Variants in GLUD1 observed in about 807,000 individuals in gnomAD.
GLUD1 encodes the protein glutamate dehydrogenase 1, also known as glutamate dehydrogenase 1, mitochondrial.
In GLUD1, 22 loss-of-function variants were observed where a neutral mutation model predicts 56.0. That is an observed-to-expected ratio of 0.39 (90% CI 0.28 to 0.56). The LOEUF (loss-of-function observed/expected upper bound fraction) is 0.56, where lower values mean the gene tolerates loss of function less well. Among genes scored for constraint, GLUD1 ranks in the 20% least tolerant of loss-of-function variants. The pLI, the probability that GLUD1 is intolerant of heterozygous loss-of-function variation, is 0.58. For missense variants in GLUD1, 451 were observed against 732.0 expected, an observed-to-expected ratio of 0.62 and a Z score of 4.43; for synonymous variants, 223 against 269.9, an observed-to-expected ratio of 0.83 and a Z score of 1.70.
At position 87,094,090 on chromosome 10, in the gene GLUD1, A is replaced by C; in HGVS notation, c.445+235T>G. ...CTGCATGCAAGATCAGCATATACAGAGGCCCGGGGTGACGGCGCGGGGGAG... is the reference window on the plus strand; with the variant it reads ...CTGCATGCAAGATCAGCATATACAGCGGCCCGGGGTGACGGCGCGGGGGAG... On this transcript the variant is annotated intron_variant, in intron 1 of 12. Coordinates refer to ENST00000277865, the MANE Select transcript of GLUD1 (RefSeq NM_005271.5). The surrounding 1 kb of genome is among the most constrained non-coding windows in gnomAD (Gnocchi z 6.6). 1 of 1,507,072 alleles carries C rather than the reference A, an allele frequency of 6.6e-7. No individual in the cohort carries two copies. The highest frequency in any genetic ancestry group is 8.8e-7 in the Non-Finnish European group (1 of 1,130,714). 93.4% of individuals were successfully genotyped at this position (1,507,072 alleles called of 1,614,324 possible). A position where few individuals can be genotyped will look rare whatever the true frequency, so the allele number is the denominator to read the frequency against.
chr10:87,080,999 G>T lies in GLUD1; in HGVS notation c.446-4343C>A, dbSNP rs548503408. Among the ~76,000 whole-genome samples the T allele has an allele frequency of 5.5e-3, 740 of 134,574 alleles. 16 individuals are homozygous for T. The highest frequency in any genetic ancestry group is 0.02 in the African/African-American group (704 of 35,968). 88.3% of individuals were successfully genotyped at this position (134,574 alleles called of 152,430 possible). On this transcript the variant is annotated intron_variant, in intron 1 of 12. Transcript: ENST00000277865. ...GGGTCAGCCCCCCGCCCGGCCAGCC[G>T]CCCCGTCCGGGAGGGAGGTGGGGGG...
At chr10:87,066,987 A>G (rs549582152) in intron 5 of GLUD1, among the ~76,000 whole-genome samples, 1 of 151,790 alleles carries the variant, frequency 6.6e-6, no homozygotes, top group South Asian at 2.1e-4. Flanking sequence ...CATATATCCA[A>G]TCCAGTTTTG....
rs368904503 is a variant in GLUD1 at position 87,068,161 on chromosome 10, C to T, written c.647-4G>A. ...GCAGGCACATCAATGCCAGGACCTGCGGGGGCACAGGGAAAGAGGAGTGCA... is the reference window on the plus strand; with the variant it reads ...GCAGGCACATCAATGCCAGGACCTGTGGGGGCACAGGGAAAGAGGAGTGCA... On this transcript the variant is annotated splice_polypyrimidine_tract_variant and splice_region_variant and intron_variant, in intron 4 of 12. Coordinates refer to ENST00000277865, the MANE Select transcript of GLUD1 (RefSeq NM_005271.5). The T allele has an allele frequency of 5.5e-5, 88 of 1,593,744 alleles. No individual in the cohort carries two copies. Among genetic ancestry groups the T allele is most frequent in the Non-Finnish European group, 6.8e-5 (79 of 1,161,588 alleles).
In GLUD1 at chr10:87,074,630, A is replaced by ACAAAAAC. The variant is rs1270268356; in HGVS notation, c.583-23_583-17dup. On this transcript the variant is annotated splice_polypyrimidine_tract_variant and intron_variant, in intron 3 of 12. Transcript: ENST00000277865. ...ATTCATTATCCTGTAAAATAAGAAA[A>ACAAAAAC]CAAAAACAAAAGAAAAAATTGATAT... 2 of 1,447,954 alleles carry ACAAAAAC rather than the reference A, an allele frequency of 1.4e-6. No individual in the cohort carries two copies. Among genetic ancestry groups the ACAAAAAC allele is most frequent in the African/African-American group, 1.4e-5 (1 of 71,736 alleles). The allele number at this position is 1,447,954 out of a possible 1,614,324, so 89.7% of individuals were successfully genotyped here. A position where few individuals can be genotyped will look rare whatever the true frequency, so the allele number is the denominator to read the frequency against.
rs139123008 is a variant in GLUD1, at chr10:87,059,096, C to G, written c.1402+54G>C. 14 of 1,605,812 alleles carry G rather than the reference C, an allele frequency of 8.7e-6. No individual in the cohort carries two copies. The African/African-American group carries it at 1.6e-4, about 18-fold the overall frequency. ...TTCTCTTAAGTGGACCTTTTTACAG[C>G]CTTTCAGCTGGCTCAAAAGATGAGT... On this transcript the variant is annotated intron_variant, in intron 10 of 12. Transcript: ENST00000277865.
intron 4 of GLUD1, among the ~76,000 whole-genome samples, chr10:87,069,117 T>C (rs1358742848): frequency 2.0e-5 from 3 of 151,994 alleles, no homozygotes; most frequent in Non-Finnish European, 4.4e-5. Flanking sequence ...CCACTTATAA[T>C]TTTTTTCTCT....
intron 7 of GLUD1, 29 bp downstream of exon 7, chr10:87,060,882 TTTAG>T: frequency 6.2e-7 from 1 of 1,613,754 alleles, no homozygotes; most frequent in East Asian, 2.2e-5. Flanking sequence ...AATATTTATA[TTTAG>T]TGTCTATGCT....
At chr10:87,053,517 CT>C in intron 11 of GLUD1, 113 bp from the exon 12 acceptor site, 2 of 744,174 alleles carry the variant, frequency 2.7e-6, no homozygotes. Context: ...AATTTTTTGT[CT>C]TTTAGCTAAG....
chr10:87,062,079 G>T (rs1440377790), intron 6 of GLUD1, among the ~76,000 whole-genome samples: 1 of 152,092 alleles, frequency 6.6e-6, no homozygotes, highest in Admixed American at 6.5e-5. Flanking sequence ...ACCACGCCCG[G>T]CTTAATTTTT....
chr10:87,055,943 G>A lies in GLUD1; in HGVS notation c.1494+1748C>T, dbSNP rs563455851. 2.4e-4 allele frequency among the ~76,000 whole-genome samples: 36 copies of A among 151,608 alleles called. No individual in the cohort carries two copies. In the East Asian group the frequency reaches 5.1e-3, roughly 21 times the overall value. On this transcript the variant is annotated intron_variant, in intron 11 of 12. Coordinates refer to ENST00000277865, the MANE Select transcript of GLUD1 (RefSeq NM_005271.5). ...AGCCTGACCAACAAGGTGAAACCCC[G>A]TCTGTACTAAAAATACAAAAAAATT...
intron 1 of GLUD1, chr10:87,093,904 T>G (rs765943902): frequency 6.8e-6 from 9 of 1,320,314 alleles, no homozygotes; most frequent in Non-Finnish European, 7.9e-6. Flanking sequence ...AGAAAATAAT[T>G]TGACAGCTTG....
At position 87,094,674 on chromosome 10, in the gene GLUD1, C is replaced by G; in HGVS notation, c.96G>C (p.Trp32Cys). 6.4e-7 allele frequency: 1 copy of G among 1,552,490 alleles called. No individual in the cohort carries two copies. The highest frequency in any genetic ancestry group is 8.7e-7 in the Non-Finnish European group (1 of 1,149,372). ...ASADSAALLG[W>C]ARGQPAAAPQ... ...GGGCGGCGGCGGGCTGTCCCCGGGC[C>G]CAGCCCAGCAACGCGGCCGAGTCGG... Residue 32 changes from tryptophan (W) to cysteine (C), a missense_variant, in exon 1 of 13, where the codon TGG becomes TGC. Trp to Cys is a radical substitution (Grantham distance 215). Around this residue, in one of 4 missense-constraint regions of GLUD1, gnomAD observed 158 missense variants for 189.7 expected, o/e 0.83. Transcript: ENST00000277865. This position sits in a 1 kb window ranked among gnomAD's most constrained non-coding sequence, Gnocchi z 6.6.
intron 8 of GLUD1, 188 bp from the exon 9 acceptor site, chr10:87,060,429 T>C: frequency 1.7e-6 from 1 of 601,026 alleles, no homozygotes; most frequent in Non-Finnish European, 2.9e-6. Context: ...TTTATCTAGG[T>C]TTTTTTTTTG....
At chr10:87,053,772 G>T (rs1023765319) in intron 11 of GLUD1, among the ~76,000 whole-genome samples, 1 of 152,160 alleles carries the variant, frequency 6.6e-6, no homozygotes, top group Non-Finnish European at 1.5e-5. Context: ...TCATGCCACG[G>T]TGCGTTCGCC....
At chr10:87,076,346 G>T (rs1371794736) in intron 2 of GLUD1, among the ~76,000 whole-genome samples, 1 of 151,502 alleles carries the variant, frequency 6.6e-6, no homozygotes, top group African/African-American at 2.4e-5. Flanking sequence ...TGAAAACAAA[G>T]ATCTAGACTT....
chr10:87,079,930 CTCTCCCTCTCCCTCTCCCCACGG>C (rs1302012967), intron 1 of GLUD1, among the ~76,000 whole-genome samples: 24 of 132,002 alleles, frequency 1.8e-4, no homozygotes, highest in African/African-American at 6.8e-4. Flanking sequence ...CTCCCTCCCC[CTCTCCCTCTCCCTCTCCCCACGG>C]TCTCCCTCTC....
intron 9 of GLUD1, among the ~76,000 whole-genome samples, chr10:87,059,534 G>A (rs7903935): frequency 0.69 from 104,635 of 152,006 alleles, 36,561 homozygotes; most frequent in African/African-American, 0.8. Context: ...ATCTTTGGTT[G>A]GAGCCTCTTC....
intron 1 of GLUD1, among the ~76,000 whole-genome samples, chr10:87,077,938 GATTAAAAGTTTTTC>G: frequency 6.6e-6 from 1 of 152,084 alleles, no homozygotes; most frequent in Admixed American, 6.6e-5. Flanking sequence ...AGAATTCTGA[GATTAAAAGTTTTTC>G]AGATAGAAAA....
rs1345360071 is a variant in GLUD1 at position 87,068,497 on chromosome 10, T to C, written c.647-340A>G. On this transcript the variant is annotated intron_variant, in intron 4 of 12. Coordinates refer to ENST00000277865, the MANE Select transcript of GLUD1 (RefSeq NM_005271.5). ...CTCTCTTGACCTCATTTCACTAACATGCAATTAGAGATAACAGTACCATTG... is the reference window on the plus strand; with the variant it reads ...CTCTCTTGACCTCATTTCACTAACACGCAATTAGAGATAACAGTACCATTG... Among the ~76,000 whole-genome samples the C allele has an allele frequency of 2.0e-5, 3 of 152,196 alleles. No homozygotes were observed. The East Asian group carries it at 5.8e-4, about 29-fold the overall frequency.
Sources: gnomAD v4.1 joint callset for allele counts (sites outside exome capture counted in the v4.1 genomes callset) on GRCh38, gnomAD v4.1.1 for gene constraint, gnomAD v4.1.1 regional missense constraint, Gnocchi (gnomAD v3.1) non-coding constraint, MANE v1.5 for transcripts, NCBI Gene and HGNC (gene_info 2026-07-23, HGNC 2026-07-21) for gene names.